Variants in SLC25A33 observed in about 807,000 individuals in gnomAD.
The protein encoded by SLC25A33 is bone marrow stromal cell mitochondrial carrier protein.
Under a neutral mutation model 35.5 loss-of-function variants are expected in SLC25A33, and 15 were observed. That is an observed-to-expected ratio of 0.42 (90% CI 0.28 to 0.65). The LOEUF is 0.65. Among genes scored for constraint, SLC25A33 ranks in the 30% least tolerant of loss-of-function variants. The pLI is 0.20. For missense variants in SLC25A33, 257 were observed against 398.5 expected, an observed-to-expected ratio of 0.64 and a Z score of 3.02; for synonymous variants, 136 against 148.7, an observed-to-expected ratio of 0.91 and a Z score of 0.62.
At chr1:9,564,226 T>C (rs1355963003) in intron 2 of SLC25A33, among the ~76,000 whole-genome samples, 1 of 152,218 alleles carries the variant, frequency 6.6e-6, no homozygotes, top group Non-Finnish European at 1.5e-5. Context: ...CAGGATTTTC[T>C]AAGTCGCTTT....
Position 9,582,410 on chromosome 1 carries a change from T to C in SLC25A33, c.875T>C (p.Phe292Ser). ...TACCTTGCCTTTTATAGAGGACTGT[T>C]TGCCCAGCTTATCCGGCAGATCCCA... is the stretch of plus-strand genomic sequence containing the variant. ...EGYLAFYRGL[F>S]AQLIRQIPNT... Residue 292 changes from phenylalanine (F) to serine (S), a missense_variant, in exon 7 of 7, where the codon TTT (phenylalanine) becomes TCT (serine). By Grantham distance (155) the Phe-to-Ser change is radical. Transcript: ENST00000302692. The surrounding 1 kb of genome is among the most constrained non-coding windows in gnomAD (Gnocchi z 4.0). 6.2e-7 allele frequency: 1 copy of C among 1,614,016 alleles called. No homozygotes were observed.
At chr1:9,569,883 A>G (rs1186376598) in intron 3 of SLC25A33, among the ~76,000 whole-genome samples, 1 of 152,194 alleles carries the variant, frequency 6.6e-6, no homozygotes, top group African/African-American at 2.4e-5. Context: ...TCATTTTGGC[A>G]CAGGGTGAAA....
At position 9,573,332 on chromosome 1, in the gene SLC25A33, T is replaced by A. The variant is rs779087314; in HGVS notation, c.416-14T>A. On this transcript the variant is annotated splice_polypyrimidine_tract_variant and intron_variant, in intron 4 of 6. Coordinates refer to ENST00000302692, the MANE Select transcript of SLC25A33 (RefSeq NM_032315.3). ...ATGTACAGTGTTGACCTTTACTGTT[T>A]TTTTTTTTTCCAGCTTTTATCACAA... The A allele has an allele frequency of 1.3e-6, 2 of 1,589,926 alleles. No homozygotes were observed. The highest frequency in any genetic ancestry group is 3.5e-5 in the Admixed American group (2 of 57,818).
Position 9,583,803 on chromosome 1 carries a change from T to G in SLC25A33, c.*1302T>G, listed in dbSNP as rs1643773612. On this transcript the variant is annotated 3_prime_UTR_variant, in exon 7 of 7. Transcript: ENST00000302692. ...GTCAGGAGATCGAGACCATCCTGGCTAACACGGTGAAACCCCGTCTCTACT... is the reference window on the plus strand; with the variant it reads ...GTCAGGAGATCGAGACCATCCTGGCGAACACGGTGAAACCCCGTCTCTACT... 1 of 151,974 alleles carries G rather than the reference T, an allele frequency of 6.6e-6. No individual in the cohort carries two copies. The highest frequency in any genetic ancestry group is 1.5e-5 in the Non-Finnish European group (1 of 68,062). 9.4% of individuals were successfully genotyped at this position (151,974 alleles called of 1,614,324 possible).
At chr1:9,549,996 C>CATATAT (rs1314749490) in intron 1 of SLC25A33, among the ~76,000 whole-genome samples, 1,131 of 71,934 alleles carry the variant, frequency 0.016, 30 homozygotes, top group East Asian at 0.025. Flanking sequence ...TTTTTCTATA[C>CATATAT]ATATATATAT....
intron 2 of SLC25A33, among the ~76,000 whole-genome samples, chr1:9,563,685 T>C (rs1329559467): frequency 6.6e-6 from 1 of 152,232 alleles, no homozygotes; most frequent in African/African-American, 2.4e-5. Flanking sequence ...CTGTGTGTTA[T>C]AATGAAAGTA....
chr1:9,542,587 G>A (rs1328191717), intron 1 of SLC25A33, among the ~76,000 whole-genome samples: 3 of 152,126 alleles, frequency 2.0e-5, no homozygotes, highest in Admixed American at 1.3e-4. Flanking sequence ...CACCTAGTCC[G>A]GTGGAATATG....
intron 2 of SLC25A33, among the ~76,000 whole-genome samples, chr1:9,560,264 A>G (rs1325430584): frequency 4.0e-5 from 6 of 149,368 alleles, no homozygotes; most frequent in South Asian, 2.1e-4. Flanking sequence ...AAAAAAAAAA[A>G]AGAGAAAAGA....
intron 1 of SLC25A33, among the ~76,000 whole-genome samples, chr1:9,542,539 C>T (rs1476700329): frequency 2.0e-5 from 3 of 152,072 alleles, no homozygotes; most frequent in African/African-American, 7.2e-5. Context: ...TGTAAAATGG[C>T]TGTATTGTAT....
intron 1 of SLC25A33, among the ~76,000 whole-genome samples, chr1:9,553,230 G>GTTTTTTTTTTTTTTTTTTTTTTTTTT (rs1340250968): frequency 1.1e-5 from 1 of 91,214 alleles, no homozygotes; most frequent in Non-Finnish European, 2.0e-5. Flanking sequence ...TTTTTTTTGG[G>GTTTTTTTTTTTTTTTTTTTTTTTTTT]TTTTTTTTTT....
At chr1:9,580,862 AAAAAATAATAATAAT>A (rs1196755751) in intron 6 of SLC25A33, among the ~76,000 whole-genome samples, 11 of 125,890 alleles carry the variant, frequency 8.7e-5, no homozygotes, top group Admixed American at 3.1e-4. Flanking sequence ...CTCAAAAAAA[AAAAAATAATAATAAT>A]AATAATAATA....
intron 4 of SLC25A33, among the ~76,000 whole-genome samples, chr1:9,571,292 G>C (rs564807981): frequency 1.3e-5 from 2 of 151,326 alleles, no homozygotes; most frequent in African/African-American, 4.9e-5. Flanking sequence ...AGAAGGGAAG[G>C]CTTTTTTGTT....
chr1:9,563,014 G>A (rs148677803), intron 2 of SLC25A33, among the ~76,000 whole-genome samples: 3,500 of 150,846 alleles, frequency 0.023, 138 homozygotes, highest in African/African-American at 0.082. Flanking sequence ...CACCTCCTGG[G>A]TTCACGCCAT....
Position 9,539,548 on chromosome 1 carries a change from C to T in SLC25A33, c.-144C>T. The T allele has an allele frequency of 6.4e-6, 3 of 468,698 alleles. No individual in the cohort carries two copies. The highest frequency in any genetic ancestry group is 8.0e-5 in the South Asian group (1 of 12,512). 29.0% of individuals were successfully genotyped at this position (468,698 alleles called of 1,614,324 possible). On this transcript the variant is annotated 5_prime_UTR_variant, in exon 1 of 7. Coordinates refer to ENST00000302692, the MANE Select transcript of SLC25A33 (RefSeq NM_032315.3). ...AAGGCGCGGGCCGAGCAGAGCCGGG[C>T]GTTGGAGCCCGCGCGCGCATGGAGG...
Position 9,578,798 on chromosome 1 carries a change from A to C in SLC25A33, c.483-1156A>C, listed in dbSNP as rs1341884737. Among the ~76,000 whole-genome samples, 2 of 152,122 alleles carry C rather than the reference A, an allele frequency of 1.3e-5. No homozygotes were observed. The highest frequency in any genetic ancestry group is 2.9e-5 in the Non-Finnish European group (2 of 68,014). On this transcript the variant is annotated intron_variant, in intron 5 of 6. Coordinates refer to ENST00000302692, the MANE Select transcript of SLC25A33 (RefSeq NM_032315.3). The surrounding 1 kb of genome is among the most constrained non-coding windows in gnomAD (Gnocchi z 4.3). Reference sequence around the variant, plus strand: ...TGTGATCATCCTTTACCTTTAACTTAGTCCTGTTTTCCACTGAAAGCATTC... The same window carrying C: ...TGTGATCATCCTTTACCTTTAACTTCGTCCTGTTTTCCACTGAAAGCATTC...
At chr1:9,554,022 A>T (rs1455969120) in intron 2 of SLC25A33, among the ~76,000 whole-genome samples, 3 of 152,170 alleles carry the variant, frequency 2.0e-5, no homozygotes, top group African/African-American at 7.2e-5. Flanking sequence ...CAGGGCAGTT[A>T]AAGTAAACCT....
chr1:9,559,824 C>T (rs1233649880), intron 2 of SLC25A33, among the ~76,000 whole-genome samples: 3 of 152,098 alleles, frequency 2.0e-5, no homozygotes, highest in South Asian at 2.1e-4. Flanking sequence ...AAGCTAACGG[C>T]GGTGACGATG....
chr1:9,572,417 C>G (rs1643603565), intron 4 of SLC25A33, among the ~76,000 whole-genome samples: 1 of 151,838 alleles, frequency 6.6e-6, no homozygotes, highest in Non-Finnish European at 1.5e-5. Context: ...CGAGACCATC[C>G]TGGCTAACAC....
At chr1:9,560,431 G>A (rs994776533) in intron 2 of SLC25A33, among the ~76,000 whole-genome samples, 1 of 151,768 alleles carries the variant, frequency 6.6e-6, no homozygotes, top group Non-Finnish European at 1.5e-5. Flanking sequence ...AGGTGTGGCG[G>A]TGGGCGCCTG....
Sources: allele counts gnomAD v4.1 joint callset (sites outside exome capture counted in the v4.1 genomes callset), GRCh38; gene constraint gnomAD v4.1.1; non-coding constraint Gnocchi (gnomAD v3.1); transcripts MANE v1.5; gene names NCBI Gene and HGNC (gene_info 2026-07-23, HGNC 2026-07-21).